RGS21: variants seen among roughly 807,000 people sequenced by gnomAD.
The protein encoded by RGS21 is regulator of G-protein signalling 21.
Under a neutral mutation model 18.7 loss-of-function variants are expected in RGS21, and 19 were observed. The ratio of observed to expected loss-of-function variants is 1.01; its 90% CI spans 0.71 to 1.49. The LOEUF (loss-of-function observed/expected upper bound fraction) is 1.49. Among genes scored for constraint, RGS21 ranks in the 40% most tolerant of loss-of-function variants. RGS21 has a pLI of 0.00. For synonymous variants in RGS21, 56 were observed against 57.8 expected (o/e 0.97, Z 0.14); for missense variants, 194 against 176.8 (o/e 1.10, Z -0.55).
At chr1:192,342,457 A>G (rs1004780270) in intron 1 of RGS21, among the ~76,000 whole-genome samples, 5 of 152,032 alleles carry the variant, frequency 3.3e-5, no homozygotes, top group African/African-American at 9.7e-5. Flanking sequence ...ATAAATTTCA[A>G]AGAAAACTGC....
chr1:192,328,804 T>C (rs1658605509), intron 1 of RGS21, among the ~76,000 whole-genome samples: 1 of 152,072 alleles, frequency 6.6e-6, no homozygotes, highest in Admixed American at 6.6e-5. Context: ...AAATAACCCT[T>C]AAGTTTAATA....
rs565872505 is a variant in RGS21 at position 192,351,957 on chromosome 1, G to C, written c.89-90G>C. 7.4e-6 allele frequency: 5 copies of C among 673,690 alleles called. No homozygotes were observed. In the African/African-American group the frequency reaches 9.1e-5, roughly 12 times the overall value. 41.7% of individuals were successfully genotyped at this position (673,690 alleles called of 1,614,324 possible). A position where few individuals can be genotyped will look rare whatever the true frequency, so the allele number is the denominator to read the frequency against. On this transcript the variant is annotated intron_variant, in intron 3 of 4. Transcript: ENST00000417209. ...ATCAATATTTGCCACTGAATATCCA[G>C]TAAATGCTCATATTATACAATGTAC...
chr1:192,363,800 AT>A (rs1378691728), intron 4 of RGS21, among the ~76,000 whole-genome samples: 1 of 151,772 alleles, frequency 6.6e-6, no homozygotes, highest in Non-Finnish European at 1.5e-5. Flanking sequence ...GAACCTAATA[AT>A]TTTTTTCTTG....
At chr1:192,321,598 C>T (rs1658498707) in intron 1 of RGS21, among the ~76,000 whole-genome samples, 1 of 151,898 alleles carries the variant, frequency 6.6e-6, no homozygotes. Context: ...TAAAAAGGAG[C>T]TAATTCTTAT....
intron 1 of RGS21, among the ~76,000 whole-genome samples, chr1:192,334,086 TG>T (rs1658729498): frequency 6.6e-6 from 1 of 152,208 alleles, no homozygotes; most frequent in South Asian, 2.1e-4. Context: ...TATAAAAAGA[TG>T]TATATATAGC....
In RGS21 at chr1:192,366,110, C is replaced by T; in HGVS notation, c.445C>T (p.Leu149Phe). The change falls in exon 5 of 5, where the codon CTC (leucine) becomes TTC (phenylalanine). Residue 149 changes from leucine to phenylalanine, a missense_variant. By Grantham distance (22) the Leu-to-Phe change is conservative. Coordinates refer to ENST00000417209, the MANE Select transcript of RGS21 (RefSeq NM_001039152.3). ...SQQVPNHKKW[L>F]PFL is the part of the protein sequence containing the mutation. ...ACAGGTTCCAAATCATAAAAAATGG[C>T]TCCCTTTTTTGTGAGGAAGGTAAAA... The T allele has an allele frequency of 1.3e-5, 21 of 1,596,654 alleles. No individual in the cohort carries two copies. Among genetic ancestry groups the T allele is most frequent in the Non-Finnish European group, 1.6e-5 (19 of 1,170,594 alleles).
chr1:192,318,177 T>TA (rs80051285), intron 1 of RGS21, among the ~76,000 whole-genome samples: 10 of 152,030 alleles, frequency 6.6e-5, no homozygotes, highest in Admixed American at 3.3e-4. Flanking sequence ...TTGCATTATC[T>TA]AAAAAAAACC....
chr1:192,350,730 G>C (rs570876648), intron 3 of RGS21, among the ~76,000 whole-genome samples: 10 of 152,128 alleles, frequency 6.6e-5, no homozygotes, highest in African/African-American at 2.2e-4. Flanking sequence ...TAAATGTATT[G>C]GTTTAGTTTT....
chr1:192,360,800 A>C (rs1659178017), intron 4 of RGS21, among the ~76,000 whole-genome samples: 1 of 152,102 alleles, frequency 6.6e-6, no homozygotes, highest in Admixed American at 6.6e-5. Flanking sequence ...CTCCTTTTTA[A>C]TATTTCATAG....
chr1:192,324,624 C>T (rs1658541542), intron 1 of RGS21, among the ~76,000 whole-genome samples: 1 of 150,620 alleles, frequency 6.6e-6, no homozygotes, highest in Non-Finnish European at 1.5e-5. Context: ...CACACACACA[C>T]ACATAATTAT....
chr1:192,339,981 A>G (rs1658833211), intron 1 of RGS21, among the ~76,000 whole-genome samples: 1 of 152,042 alleles, frequency 6.6e-6, no homozygotes, highest in Admixed American at 6.6e-5. Flanking sequence ...TAATTGTTAT[A>G]TATTATGGAG....
At chr1:192,361,215 C>T (rs1476478927) in intron 4 of RGS21, among the ~76,000 whole-genome samples, 1 of 151,874 alleles carries the variant, frequency 6.6e-6, no homozygotes, top group African/African-American at 2.4e-5. Context: ...CTTGAAATAT[C>T]CTTATGATTA....
chr1:192,323,384 G>A (rs1184500135), intron 1 of RGS21, among the ~76,000 whole-genome samples: 3 of 152,138 alleles, frequency 2.0e-5, no homozygotes, highest in Non-Finnish European at 2.9e-5. Context: ...AAGTTGCCAG[G>A]TGAGCACTTA....
intron 4 of RGS21, among the ~76,000 whole-genome samples, chr1:192,362,946 C>A (rs1036694443): frequency 6.6e-6 from 1 of 151,848 alleles, no homozygotes; most frequent in Non-Finnish European, 1.5e-5. Context: ...TGCAAAATCC[C>A]TTAACAGATC....
intron 1 of RGS21, among the ~76,000 whole-genome samples, chr1:192,331,462 G>T (rs373807152): frequency 3.9e-5 from 6 of 151,924 alleles, no homozygotes; most frequent in East Asian, 1.9e-4. Context: ...CAGGGGAATC[G>T]ATTGAACATG....
At chr1:192,334,861 G>T (rs1658742017) in intron 1 of RGS21, among the ~76,000 whole-genome samples, 1 of 151,970 alleles carries the variant, frequency 6.6e-6, no homozygotes, top group South Asian at 2.1e-4. Context: ...ACAAGATTGG[G>T]TTGACACGTC....
At chr1:192,362,653 T>G (rs1266191800) in intron 4 of RGS21, among the ~76,000 whole-genome samples, 1 of 152,190 alleles carries the variant, frequency 6.6e-6, no homozygotes, top group African/African-American at 2.4e-5. Context: ...GTAAACCTGC[T>G]CATCACTTAG....
Position 192,343,010 on chromosome 1 carries a change from C to A in RGS21, c.-27C>A. The A allele has an allele frequency of 1.2e-6, 2 of 1,611,724 alleles. No homozygotes were observed. The highest frequency in any genetic ancestry group is 8.5e-7 in the Non-Finnish European group (1 of 1,178,086). ...TCAGTCAGAAAGAGAAACTCGGCAT[C>A]ATCTGTGACAGACAGTGGAACGAAA... On this transcript the variant is annotated 5_prime_UTR_variant, in exon 2 of 5. Transcript: ENST00000417209.
At chr1:192,342,948 T>C in intron 1 of RGS21, 29 bp from the exon 2 acceptor site, 3 of 1,318,122 alleles carry the variant, frequency 2.3e-6, no homozygotes, top group Non-Finnish European at 3.3e-6. Context: ...ATACTAATTG[T>C]AATGTTCCTG....
Sources: gnomAD v4.1 joint callset for allele counts (sites outside exome capture counted in the v4.1 genomes callset) on GRCh38, gnomAD v4.1.1 for gene constraint, MANE v1.5 for transcripts, NCBI Gene and HGNC (gene_info 2026-07-23, HGNC 2026-07-21) for gene names.